The following ZRANB1 variants were observed in gnomAD, a reference collection of about 807,000 sequenced individuals.
ZRANB1 encodes zinc finger RANBP2-type containing 1.
A neutral mutation model predicts 80.5 loss-of-function variants in ZRANB1; 16 were observed. That is an observed-to-expected ratio of 0.20 (90% CI 0.13 to 0.30). The LOEUF (loss-of-function observed/expected upper bound fraction) is 0.30. ZRANB1 is among the 10% of genes least tolerant of loss of function. ZRANB1 has a pLI of 1.00. For synonymous variants in ZRANB1, 291 were observed against 293.1 expected, an observed-to-expected ratio of 0.99 and a Z score of 0.07; for missense variants, 576 against 862.6, an observed-to-expected ratio of 0.67 and a Z score of 4.16.
chr10:124,972,962 G>A (rs528121718), intron 3 of ZRANB1, among the ~76,000 whole-genome samples: 1 of 151,838 alleles, frequency 6.6e-6, no homozygotes, highest in Non-Finnish European at 1.5e-5. Flanking sequence ...TTTTTTTGTA[G>A]AGATGGAGTC....
At chr10:124,963,468 G>A (rs532208398) in intron 1 of ZRANB1, among the ~76,000 whole-genome samples, 6 of 142,352 alleles carry the variant, frequency 4.2e-5, no homozygotes, top group Non-Finnish European at 7.6e-5. Context: ...TTATTCTTAC[G>A]TTCTTTTTAT....
chr10:124,946,862 A>G (rs1196246948), intron 1 of ZRANB1, among the ~76,000 whole-genome samples: 2 of 152,168 alleles, frequency 1.3e-5, no homozygotes, highest in South Asian at 2.1e-4. Context: ...TGCCTGCCTT[A>G]TGTTCCCCAG....
intron 1 of ZRANB1, among the ~76,000 whole-genome samples, chr10:124,948,225 C>T (rs1233924492): frequency 6.6e-6 from 1 of 152,140 alleles, no homozygotes; most frequent in Non-Finnish European, 1.5e-5. Context: ...AATGTATTTT[C>T]TCTTCCTTAT....
At position 124,942,717 on chromosome 10, in the gene ZRANB1, G is replaced by C. The variant is rs1259266322; in HGVS notation, c.224G>C (p.Arg75Thr). 1 of 1,614,098 alleles carries C rather than the reference G, an allele frequency of 6.2e-7. No homozygotes were observed. The highest frequency in any genetic ancestry group is 8.5e-7 in the Non-Finnish European group (1 of 1,180,038). Residue 75 changes from arginine (R) to threonine (T), a missense_variant, in exon 1 of 9, where the codon AGG becomes ACG. Physicochemically the swap from Arg to Thr is moderately conservative, Grantham distance 71. This residue lies in a region of ZRANB1 where 411 missense variants were observed against 583.1 expected (regional missense o/e 0.70). Transcript: ENST00000359653. ...LICPDSSARPRVKSSYSMENA... is the reference protein window; with the variant it reads ...LICPDSSARPTVKSSYSMENA... ...TGTCCAGACTCTAGTGCAAGACCAA[G>C]GGTGAAATCTTCGTATAGCATGGAA...
chr10:124,918,970 T>A, the ZRANB1 span, among the ~76,000 whole-genome samples: 1 of 152,232 alleles, frequency 6.6e-6, no homozygotes, highest in Non-Finnish European at 1.5e-5. Context: ...CTTTTATTAA[T>A]GCCTCAGAGC....
chr10:124,968,993 T>C (rs1203527417), intron 2 of ZRANB1, among the ~76,000 whole-genome samples: 2 of 152,152 alleles, frequency 1.3e-5, no homozygotes, highest in Non-Finnish European at 1.5e-5. Flanking sequence ...TGCAGTCAAG[T>C]GGTCCAGGGC....
intron 1 of ZRANB1, among the ~76,000 whole-genome samples, 181 bp from the exon 2 acceptor site, chr10:124,966,413 G>A (rs1431701655): frequency 1.3e-5 from 2 of 152,066 alleles, no homozygotes; most frequent in Non-Finnish European, 1.5e-5. Context: ...GTTCTGGAAG[G>A]AAAATTTTTA....
chr10:124,921,249 T>A, the ZRANB1 span, among the ~76,000 whole-genome samples: 1 of 152,214 alleles, frequency 6.6e-6, no homozygotes, highest in Non-Finnish European at 1.5e-5. Flanking sequence ...TTTAGCATCA[T>A]GGGAAGGAGA....
chr10:124,971,690 C>G (rs1480216705), intron 2 of ZRANB1, among the ~76,000 whole-genome samples: 1 of 152,140 alleles, frequency 6.6e-6, no homozygotes, highest in Admixed American at 6.5e-5. Flanking sequence ...GAACAACACC[C>G]TTTTCCATAC....
chr10:124,938,443 C>T (rs2134235905), upstream of ZRANB1, among the ~76,000 whole-genome samples: 1 of 152,196 alleles, frequency 6.6e-6, no homozygotes, highest in African/African-American at 2.4e-5. Context: ...CCTCCTGCCT[C>T]AGCCTCCTGA....
chr10:124,971,586 G>GAGA (rs1951826184), intron 2 of ZRANB1, among the ~76,000 whole-genome samples: 1 of 152,168 alleles, frequency 6.6e-6, no homozygotes. Flanking sequence ...TATCAGCTGT[G>GAGA]ATTCTCTGCT....
intron 1 of ZRANB1, among the ~76,000 whole-genome samples, chr10:124,963,550 G>GTTT (rs1564962032): frequency 6.7e-5 from 5 of 75,150 alleles, no homozygotes; most frequent in African/African-American, 1.1e-4. Context: ...TTTTTTTTTT[G>GTTT]TTTGTTTTTT....
At chr10:124,966,074 C>G (rs4962412) in intron 1 of ZRANB1, among the ~76,000 whole-genome samples, 101,282 of 152,044 alleles carry the variant, frequency 0.67, 34,776 homozygotes, top group Middle Eastern at 0.76. Context: ...TTTACTTACA[C>G]TGAAGATGGT....
At position 124,942,285 on chromosome 10, in the gene ZRANB1, C is replaced by G. The variant is rs1951542865; in HGVS notation, c.-209C>G. 6 of 1,385,438 alleles carry G rather than the reference C, an allele frequency of 4.3e-6. No homozygotes were observed. Among genetic ancestry groups the G allele is most frequent in the Non-Finnish European group, 5.6e-6 (6 of 1,072,964 alleles). 85.8% of individuals were successfully genotyped at this position (1,385,438 alleles called of 1,614,324 possible). ...AGATTTTTTCTTTGAGAATTTATCT[C>G]CAGTGTTTCTATGGAAATTAAAAAA... On this transcript the variant is annotated 5_prime_UTR_variant, in exon 1 of 9. Coordinates refer to ENST00000359653, the MANE Select transcript of ZRANB1 (RefSeq NM_017580.3).
rs11245442 is a variant in ZRANB1 at position 124,950,902 on chromosome 10, C to T, written c.814+7595C>T. ...GAGGCTGGGATGGGAGGAACACTTG[C>T]GCCCAGGCTGCAGCGGGCCATGATT... On this transcript the variant is annotated intron_variant, in intron 1 of 8. Transcript: ENST00000359653. 7.5e-3 allele frequency among the ~76,000 whole-genome samples: 1,149 copies of T among 152,226 alleles called. 12 individuals are homozygous for T. Among genetic ancestry groups the T allele is most frequent in the East Asian group, 0.025 (132 of 5,180 alleles).
At chr10:124,967,898 T>G (rs1254518372) in intron 2 of ZRANB1, among the ~76,000 whole-genome samples, 6 of 152,042 alleles carry the variant, frequency 3.9e-5, no homozygotes, top group Admixed American at 3.9e-4. Flanking sequence ...AGGTTTTTTT[T>G]TTCTTTCTTT....
chr10:124,941,277 C>T (rs543821436), upstream of ZRANB1, among the ~76,000 whole-genome samples: 3 of 152,024 alleles, frequency 2.0e-5, no homozygotes, highest in East Asian at 1.9e-4. Flanking sequence ...AGTCTTTCTT[C>T]ATTATAGTGT....
chr10:124,923,048 G>A, the ZRANB1 span, among the ~76,000 whole-genome samples: 6,887 of 152,092 alleles, frequency 0.045, 191 homozygotes, highest in South Asian at 0.08. Context: ...CAGCACATTA[G>A]GAGGCCTAGG....
At chr10:124,940,950 C>G (rs527484640), upstream of ZRANB1, among the ~76,000 whole-genome samples, 9 of 152,014 alleles carry the variant, frequency 5.9e-5, no homozygotes, top group South Asian at 1.9e-3. Flanking sequence ...CCACTGCATT[C>G]CAGCCTGGGC....
Sources: gnomAD v4.1 joint callset for allele counts (sites outside exome capture counted in the v4.1 genomes callset) on GRCh38, gnomAD v4.1.1 for gene constraint, gnomAD v4.1.1 regional missense constraint, MANE v1.5 for transcripts, NCBI Gene and HGNC (gene_info 2026-07-23, HGNC 2026-07-21) for gene names.